The following AXIN1 variants were observed in gnomAD, a reference collection of about 807,000 sequenced individuals.
The protein encoded by AXIN1 is axin-1.
In AXIN1, 30 loss-of-function variants were observed where a neutral mutation model predicts 76.4. The observed-to-expected ratio is 0.39, with a 90% CI of 0.29 to 0.53. The LOEUF is 0.53. Among genes scored for constraint, AXIN1 ranks in the 20% least tolerant of loss-of-function variants. The pLI is 0.66. For missense variants in AXIN1, 1,140 were observed against 1,198.8 expected (o/e 0.95, Z 0.72); for synonymous variants, 545 against 501.4 (o/e 1.09, Z -1.16).
intron 5 of AXIN1, among the ~76,000 whole-genome samples, chr16:302,097 C>A (rs1461026927): frequency 1.3e-5 from 2 of 152,232 alleles, no homozygotes; most frequent in African/African-American, 4.8e-5. Context: ...CAGGGCCACC[C>A]CAGGAAGCAA....
At chr16:300,093 C>A (rs2052830790) in intron 5 of AXIN1, among the ~76,000 whole-genome samples, 1 of 152,150 alleles carries the variant, frequency 6.6e-6, no homozygotes, top group Non-Finnish European at 1.5e-5. Context: ...GCACCCACCA[C>A]CATGCCCAGC....
rs545901360 is a variant in AXIN1, at chr16:319,847, C to T, written c.879-5164G>A. ...TTCCTTTTAATGAGGCTGTCTGGTCCGGTTACATTTAGTGTGATGTGGAGG... is the reference window on the plus strand; with the variant it reads ...TTCCTTTTAATGAGGCTGTCTGGTCTGGTTACATTTAGTGTGATGTGGAGG... On this transcript the variant is annotated intron_variant, in intron 2 of 10. Coordinates refer to ENST00000262320, the MANE Select transcript of AXIN1 (RefSeq NM_003502.4). Among the ~76,000 whole-genome samples the T allele has an allele frequency of 8.1e-4, 123 of 152,266 alleles. 1 individual carries two copies. The highest frequency in any genetic ancestry group is 6.8e-3 in the Middle Eastern group (2 of 294).
intron 4 of AXIN1, among the ~76,000 whole-genome samples, chr16:309,206 T>C (rs192810515): frequency 6.6e-6 from 1 of 151,940 alleles, no homozygotes; most frequent in African/African-American, 2.4e-5. Flanking sequence ...GGCAGGCGCC[T>C]GTACTCCCAG....
intron 8 of AXIN1, chr16:291,712 C>A (rs1050380762): frequency 3.1e-6 from 1 of 321,062 alleles, no homozygotes; most frequent in African/African-American, 2.2e-5. Flanking sequence ...TCGGTCTGCA[C>A]CTCAGGGAGG....
At chr16:343,427 C>T (rs554449380) in intron 2 of AXIN1, among the ~76,000 whole-genome samples, 4 of 152,220 alleles carry the variant, frequency 2.6e-5, no homozygotes, top group Non-Finnish European at 4.4e-5. Context: ...CGGGGCCGGG[C>T]GCAGTGGCTC....
At chr16:350,282 A>G (rs2054115809) in intron 1 of AXIN1, among the ~76,000 whole-genome samples, 1 of 152,202 alleles carries the variant, frequency 6.6e-6, no homozygotes, top group South Asian at 2.1e-4. Context: ...CCCACAGGGA[A>G]GCACACCAAG....
At chr16:333,333 GAA>G (rs947297130) in intron 2 of AXIN1, among the ~76,000 whole-genome samples, 1 of 139,880 alleles carries the variant, frequency 7.1e-6, no homozygotes, top group East Asian at 2.1e-4. Flanking sequence ...ATTCCATCTC[GAA>G]AAAAAAAAAT....
At chr16:289,401 A>T (rs2141466701) in intron 10 of AXIN1, 39 bp downstream of exon 10, 1 of 1,610,878 alleles carries the variant, frequency 6.2e-7, no homozygotes, top group South Asian at 1.1e-5. Context: ...GCACCCACAT[A>T]CTCGTGCGGG....
chr16:299,182 A>AGTTAACAG (rs2052800602), intron 5 of AXIN1: 1 of 985,418 alleles, frequency 1.0e-6, no homozygotes, highest in Non-Finnish European at 1.2e-6. Flanking sequence ...TGATTCTCCA[A>AGTTAACAG]GTTAACAGGT....
chr16:320,692 T>G (rs1036316101), intron 2 of AXIN1, among the ~76,000 whole-genome samples: 6 of 149,506 alleles, frequency 4.0e-5, no homozygotes, highest in Non-Finnish European at 7.4e-5. Context: ...TGTGTATATA[T>G]GTATATATGC....
chr16:351,235 G>A lies in AXIN1; in HGVS notation c.-82+1134C>T, dbSNP rs539403294. Among the ~76,000 whole-genome samples, 3 of 152,200 alleles carry A rather than the reference G, an allele frequency of 2.0e-5. No homozygotes were observed. The South Asian group carries it at 6.2e-4, about 32-fold the overall frequency. ...AGGGCCTGTGGATCCAAGTAAGCTC[G>A]AGATTCTTCCTGAAGAAGCAGAGAA... On this transcript the variant is annotated intron_variant, in intron 1 of 10. Coordinates refer to ENST00000262320, the MANE Select transcript of AXIN1 (RefSeq NM_003502.4).
intron 2 of AXIN1, among the ~76,000 whole-genome samples, chr16:330,897 A>G (rs1261083184): frequency 6.6e-6 from 1 of 152,240 alleles, no homozygotes; most frequent in East Asian, 1.9e-4. Flanking sequence ...GGCAATTCCC[A>G]GCAAATTGCA....
intron 2 of AXIN1, among the ~76,000 whole-genome samples, chr16:336,322 G>A (rs1159468729): frequency 6.6e-6 from 1 of 152,212 alleles, no homozygotes; most frequent in Admixed American, 6.5e-5. Flanking sequence ...GGTGAGACAG[G>A]AGAGCAGCAG....
At chr16:349,948 G>A (rs1453669173) in intron 1 of AXIN1, among the ~76,000 whole-genome samples, 1 of 152,156 alleles carries the variant, frequency 6.6e-6, no homozygotes, top group African/African-American at 2.4e-5. Flanking sequence ...ACAGGCACGA[G>A]TCATCAACGC....
At chr16:318,736 A>G (rs2053363692) in intron 2 of AXIN1, among the ~76,000 whole-genome samples, 2 of 152,196 alleles carry the variant, frequency 1.3e-5, no homozygotes, top group African/African-American at 4.8e-5. Flanking sequence ...GCGCGCCCGC[A>G]TGCCCATGTG....
At chr16:327,279 T>A (rs141263019) in intron 2 of AXIN1, among the ~76,000 whole-genome samples, 62 of 152,124 alleles carry the variant, frequency 4.1e-4, no homozygotes, top group African/African-American at 1.4e-3. Context: ...CCAGACAGCA[T>A]TGAATGACCA....
chr16:315,832 G>GAAAA (rs922939817), intron 2 of AXIN1, among the ~76,000 whole-genome samples: 12 of 72,704 alleles, frequency 1.7e-4, no homozygotes, highest in Non-Finnish European at 2.8e-4. Flanking sequence ...TGTCTCAAAA[G>GAAAA]AAAAAAAAAA....
At chr16:338,166 C>T (rs1044815558) in intron 2 of AXIN1, among the ~76,000 whole-genome samples, 5 of 152,328 alleles carry the variant, frequency 3.3e-5, no homozygotes, top group Admixed American at 6.5e-5. Flanking sequence ...CTACAAATGA[C>T]GTCTGCGTTT....
At chr16:305,699 A>T (rs911307948) in intron 4 of AXIN1, among the ~76,000 whole-genome samples, 11 of 151,848 alleles carry the variant, frequency 7.2e-5, no homozygotes, top group Non-Finnish European at 1.6e-4. Flanking sequence ...GCCTGCCACC[A>T]TGCCCGGCTA....
Sources: gnomAD v4.1 joint callset for allele counts (sites outside exome capture counted in the v4.1 genomes callset) on GRCh38, gnomAD v4.1.1 for gene constraint, MANE v1.5 for transcripts, NCBI Gene and HGNC (gene_info 2026-07-23, HGNC 2026-07-21) for gene names.